FAM184B: variants seen among roughly 807,000 people sequenced by gnomAD.
The protein encoded by FAM184B is family with sequence similarity 184 member B, also known as protein FAM184B.
A neutral mutation model predicts 135.9 loss-of-function variants in FAM184B; 111 were observed. That is an observed-to-expected ratio of 0.82 (90% confidence interval 0.70 to 0.96). The LOEUF (loss-of-function observed/expected upper bound fraction) is 0.96, where lower values mean the gene tolerates loss of function less well. Among genes scored for constraint, FAM184B ranks in the 40% least tolerant of loss-of-function variants. The pLI, the probability that FAM184B is intolerant of heterozygous loss-of-function variation, is 0.00. For missense variants in FAM184B, 1,375 were observed against 1,323.9 expected (o/e 1.04, Z -0.60); for synonymous variants, 552 against 524.8 (o/e 1.05, Z -0.71).
Position 17,729,081 on chromosome 4 carries a change from C to T in FAM184B, c.142-19437G>A, listed in dbSNP as rs183488944. The stretch of plus-strand genomic sequence containing the variant: ...GTGCTTTTCCAACAGGCTTAAAAAA[C>T]GGCACACCAGGAGATTATATCCCGC... On this transcript the variant is annotated intron_variant, in intron 1 of 17. Transcript: ENST00000265018. Among the ~76,000 whole-genome samples, 177 of 152,272 alleles carry T rather than the reference C, an allele frequency of 1.2e-3. 1 individual carries two copies. The highest frequency in any genetic ancestry group is 3.9e-3 in the African/African-American group (162 of 41,532).
At chr4:17,683,053 T>G (rs1023403308) in intron 7 of FAM184B, among the ~76,000 whole-genome samples, 14 of 152,216 alleles carry the variant, frequency 9.2e-5, no homozygotes, top group Non-Finnish European at 2.9e-5. Flanking sequence ...TGGTTGCAGG[T>G]ATGGCAGTAC....
intron 8 of FAM184B, among the ~76,000 whole-genome samples, chr4:17,660,313 C>A (rs138676234): frequency 7.2e-5 from 11 of 151,952 alleles, no homozygotes; most frequent in African/African-American, 2.7e-4. Context: ...TAGCAGGAAC[C>A]GCCTGATAGC....
intron 10 of FAM184B, among the ~76,000 whole-genome samples, chr4:17,656,785 G>A (rs1219196495): frequency 6.6e-6 from 1 of 152,122 alleles, no homozygotes; most frequent in Non-Finnish European, 1.5e-5. Context: ...TTAAAAGAAA[G>A]GAAAATAAGC....
intron 11 of FAM184B, among the ~76,000 whole-genome samples, chr4:17,651,269 G>A (rs1715607936): frequency 6.6e-6 from 1 of 152,090 alleles, no homozygotes; most frequent in African/African-American, 2.4e-5. Flanking sequence ...CGGGCGCAGT[G>A]GCTCACGCCT....
At chr4:17,663,938 A>C (rs1715984136) in intron 8 of FAM184B, among the ~76,000 whole-genome samples, 1 of 152,100 alleles carries the variant, frequency 6.6e-6, no homozygotes, top group Non-Finnish European at 1.5e-5. Flanking sequence ...GCCATGTAAG[A>C]TATGCCTGCT....
Position 17,709,255 on chromosome 4 carries a change from G to T in FAM184B, c.531C>A (p.Pro177=). ...CCGACTTGGTTTCAGGGCTCTCCTG[G>T]GGCAGCCGGCCCTGCGGGGTAGCCT... The part of the protein sequence containing the change: ...SHEATPQGRL[P]QESPETKSEP... Residue 177 remains proline (P), a synonymous_variant, in exon 2 of 18, where the codon CCC becomes CCA. Coordinates refer to ENST00000265018, the MANE Select transcript of FAM184B (RefSeq NM_015688.2). 6.5e-7 allele frequency: 1 copy of T among 1,547,340 alleles called. No individual in the cohort carries two copies. The highest frequency in any genetic ancestry group is 8.7e-7 in the Non-Finnish European group (1 of 1,144,808).
At chr4:17,700,647 A>G (rs1716963147) in intron 5 of FAM184B, among the ~76,000 whole-genome samples, 1 of 152,148 alleles carries the variant, frequency 6.6e-6, no homozygotes, top group African/African-American at 2.4e-5. Context: ...AACTTGACCT[A>G]ATTAGCTTTT....
chr4:17,639,728 G>T (rs1344695249), intron 13 of FAM184B, among the ~76,000 whole-genome samples: 5 of 152,118 alleles, frequency 3.3e-5, no homozygotes, highest in African/African-American at 1.2e-4. Context: ...GGGGAGGCAA[G>T]AGGCTGAGAT....
rs1430667809 is a variant in FAM184B, at chr4:17,642,045, G to A, written c.2519+11C>T. ...GGGTGGCGCGGTGGCGGGGCGCGCC[G>A]GGTCACCCACCTGCGCTGGTCTCGG... On this transcript the variant is annotated intron_variant, in intron 13 of 17. Coordinates refer to ENST00000265018, the MANE Select transcript of FAM184B (RefSeq NM_015688.2). 1.3e-5 allele frequency: 20 copies of A among 1,522,276 alleles called. No individual in the cohort carries two copies. The highest frequency in any genetic ancestry group is 1.6e-5 in the Non-Finnish European group (18 of 1,141,118). 94.3% of individuals were successfully genotyped at this position (1,522,276 alleles called of 1,614,324 possible).
rs1188972903 is a variant in FAM184B at position 17,709,415 on chromosome 4, G to C, written c.371C>G (p.Ser124Trp). 6.6e-7 allele frequency: 1 copy of C among 1,518,394 alleles called. No individual in the cohort carries two copies. Among genetic ancestry groups the C allele is most frequent in the Admixed American group, 2.1e-5 (1 of 47,556 alleles). The allele number at this position is 1,518,394 out of a possible 1,614,324, so 94.1% of individuals were successfully genotyped here. The change falls in exon 2 of 18, where the codon TCG becomes TGG. Residue 124 changes from serine (S) to tryptophan (W), a missense_variant. Coordinates refer to ENST00000265018, the MANE Select transcript of FAM184B (RefSeq NM_015688.2). Reference sequence around the variant, plus strand: ...TCTCTCCTTCGTCTCCAGCCTGCACGAGGCCGACTCAGCCAGCGCCTCCTC... The same window carrying C: ...TCTCTCCTTCGTCTCCAGCCTGCACCAGGCCGACTCAGCCAGCGCCTCCTC... ...LTEEALAESA[S>W]CRLETKEREL...
rs142060660 is a variant in FAM184B at position 17,710,195 on chromosome 4, G to A, written c.142-551C>T. Among the ~76,000 whole-genome samples, 905 of 152,092 alleles carry A rather than the reference G, an allele frequency of 6.0e-3. 13 individuals carry two copies. Among genetic ancestry groups the A allele is most frequent in the African/African-American group, 0.02 (841 of 41,484 alleles). On this transcript the variant is annotated intron_variant, in intron 1 of 17. Transcript: ENST00000265018. ...AAAAATTAGCTAAGTGTGGTGGCAC[G>A]CCCCTGTAATCCCAGCTACTCGGGA...
At chr4:17,667,347 G>A (rs376222344) in intron 7 of FAM184B, among the ~76,000 whole-genome samples, 11 of 152,176 alleles carry the variant, frequency 7.2e-5, no homozygotes, top group South Asian at 2.1e-4. Flanking sequence ...GGAGGGTGGC[G>A]TGTGGAGACA....
chr4:17,765,130 C>G (rs1469200636), intron 1 of FAM184B, among the ~76,000 whole-genome samples: 2 of 152,142 alleles, frequency 1.3e-5, no homozygotes, highest in South Asian at 2.1e-4. Flanking sequence ...CCATGGAGTT[C>G]TAGTATTTGG....
At chr4:17,722,407 C>T (rs1271656900) in intron 1 of FAM184B, among the ~76,000 whole-genome samples, 2 of 152,226 alleles carry the variant, frequency 1.3e-5, no homozygotes, top group Non-Finnish European at 2.9e-5. Context: ...AGGTCCCCAA[C>T]AAAGCTGGGC....
rs1414980936 is a variant in FAM184B at position 17,781,090 on chromosome 4, C to T, written c.141+69G>A. On this transcript the variant is annotated intron_variant, in intron 1 of 17. Transcript: ENST00000265018. The surrounding 1 kb of genome is among the most constrained non-coding windows in gnomAD (Gnocchi z 6.5). ...TTTGGCCCGGGCCTCCCGGGAGGCGCATCCGCACTGACTCCCGGCTCGGGC... is the reference window on the plus strand; with the variant it reads ...TTTGGCCCGGGCCTCCCGGGAGGCGTATCCGCACTGACTCCCGGCTCGGGC... 13 of 1,462,210 alleles carry T rather than the reference C, an allele frequency of 8.9e-6. No homozygotes were observed. The highest frequency in any genetic ancestry group is 1.2e-5 in the Non-Finnish European group (13 of 1,103,166). The allele number at this position is 1,462,210 out of a possible 1,614,324, so 90.6% of individuals were successfully genotyped here. A position where few individuals can be genotyped will look rare whatever the true frequency, so the allele number is the denominator to read the frequency against.
At chr4:17,766,797 G>C (rs767617013) in intron 1 of FAM184B, among the ~76,000 whole-genome samples, 4 of 152,238 alleles carry the variant, frequency 2.6e-5, no homozygotes, top group Admixed American at 6.5e-5. Context: ...CCAGTCCCGC[G>C]CAGAGCACCC....
chr4:17,746,848 A>G (rs1718178884), intron 1 of FAM184B, among the ~76,000 whole-genome samples: 1 of 151,594 alleles, frequency 6.6e-6, no homozygotes. Flanking sequence ...GACCAGCCTG[A>G]CCAACATGGA....
At chr4:17,733,424 C>G (rs1027301618) in intron 1 of FAM184B, among the ~76,000 whole-genome samples, 1 of 152,128 alleles carries the variant, frequency 6.6e-6, no homozygotes, top group Non-Finnish European at 1.5e-5. Flanking sequence ...GATTGTATAT[C>G]TAGAAATCCC....
chr4:17,709,597 C>T lies in FAM184B; in HGVS notation c.189G>A (p.Met63Ile), dbSNP rs1297457841. The T allele has an allele frequency of 4.5e-6, 7 of 1,540,626 alleles. No individual in the cohort carries two copies. Among genetic ancestry groups the T allele is most frequent in the Non-Finnish European group, 6.1e-6 (7 of 1,143,492 alleles). Reference sequence around the variant, plus strand: ...CCTGGTGCGCTTCCCGCAGCGCCTCCATGCTGGCCTCAGCCTCATCCTGGC... The same window carrying T: ...CCTGGTGCGCTTCCCGCAGCGCCTCTATGCTGGCCTCAGCCTCATCCTGGC... ...NTRQDEAEAS[M>I]EALREAHQEE... is the part of the protein sequence containing the mutation. Residue 63 changes from methionine to isoleucine, a missense_variant, in exon 2 of 18, where the codon ATG (methionine) becomes ATA (isoleucine). Physicochemically the swap from Met to Ile is conservative, Grantham distance 10. Transcript: ENST00000265018.
Sources: allele counts gnomAD v4.1 joint callset (sites outside exome capture counted in the v4.1 genomes callset), GRCh38; gene constraint gnomAD v4.1.1; non-coding constraint Gnocchi (gnomAD v3.1); transcripts MANE v1.5; gene names NCBI Gene and HGNC (gene_info 2026-07-23, HGNC 2026-07-21).